PCDHA2: variants seen among roughly 807,000 people sequenced by gnomAD.
PCDHA2 encodes protocadherin alpha-2.
In PCDHA2, 58 loss-of-function variants were observed where a neutral mutation model predicts 66.0. The observed-to-expected ratio is 0.88, with a 90% CI of 0.71 to 1.09. PCDHA2 has a LOEUF of 1.09. PCDHA2 is among the 50% of genes least tolerant of loss of function. The pLI is 0.00. For synonymous variants in PCDHA2, 634 were observed against 554.0 expected (o/e 1.14, Z -2.03); for missense variants, 1,267 against 1,242.3 (o/e 1.02, Z -0.30).
chr5:140,816,539 G>A (rs2126673533), intron 1 of PCDHA2: 1,789 of 151,276 alleles, frequency 0.012, 32 homozygotes, highest in African/African-American at 0.041. Context: ...GTGTGGGCAC[G>A]CACTATTTGA....
intron 1 of PCDHA2, among the ~76,000 whole-genome samples, chr5:140,914,944 CT>C (rs35695909): frequency 0.29 from 37,051 of 128,010 alleles, 4,894 homozygotes; most frequent in East Asian, 0.5. Flanking sequence ...GAAAAGTTGT[CT>C]TTTTTTTTTT....
At position 140,795,125 on chromosome 5, in the gene PCDHA2, T is replaced by C. The variant is rs781951515; in HGVS notation, c.161T>C (p.Leu54Pro). 5.6e-6 allele frequency: 9 copies of C among 1,614,032 alleles called. No homozygotes were observed. In the Admixed American group the frequency reaches 1.5e-4, roughly 27 times the overall value. Residue 54 changes from leucine to proline, a missense_variant, in exon 1 of 4, where the codon CTG becomes CCG. Transcript: ENST00000526136. ...GGCCGCATCGCGCAGGACCTGGGGCTGGAGCTGGAGGAGCTGGTGCCGCGC... is the reference window on the plus strand; with the variant it reads ...GGCCGCATCGCGCAGGACCTGGGGCCGGAGCTGGAGGAGCTGGTGCCGCGC... ...FVGRIAQDLG[L>P]ELEELVPRLF...
At chr5:141,003,423 T>G (rs1278383006) in intron 3 of PCDHA2, among the ~76,000 whole-genome samples, 1 of 152,164 alleles carries the variant, frequency 6.6e-6, no homozygotes, top group Non-Finnish European at 1.5e-5. Context: ...GTGATTCTTA[T>G]GCCTCAGCCT....
At chr5:140,828,561 C>A (rs2150156811) in intron 1 of PCDHA2, 1 of 1,614,178 alleles carries the variant, frequency 6.2e-7, no homozygotes, top group African/African-American at 1.3e-5. Flanking sequence ...CTGGAGGGCG[C>A]GTCCGATGCA....
intron 1 of PCDHA2, chr5:140,829,831 G>A (rs2150175652): frequency 6.2e-7 from 1 of 1,613,918 alleles, no homozygotes; most frequent in Non-Finnish European, 8.5e-7. Context: ...TGAGCGAGCT[G>A]GTGCCGCGGT....
At chr5:140,861,658 G>T (rs913348410) in intron 1 of PCDHA2, 2 of 268,996 alleles carry the variant, frequency 7.4e-6, no homozygotes, top group Non-Finnish European at 1.5e-5. Context: ...TTTCTGAAAC[G>T]AGAGCTCTTG....
intron 1 of PCDHA2, chr5:140,841,917 C>T (rs1777584856): frequency 1.2e-6 from 2 of 1,613,834 alleles, no homozygotes; most frequent in Admixed American, 1.7e-5. Context: ...TTAAGAAAAT[C>T]CTTGGACAGA....
At chr5:140,888,321 A>G (rs2061786627) in intron 1 of PCDHA2, among the ~76,000 whole-genome samples, 1 of 152,176 alleles carries the variant, frequency 6.6e-6, no homozygotes, top group Non-Finnish European at 1.5e-5. Flanking sequence ...ATGCCTGGAT[A>G]CATTTTTGGT....
At chr5:140,829,888 C>T (rs150204488) in intron 1 of PCDHA2, 519 of 1,613,790 alleles carry the variant, frequency 3.2e-4, no homozygotes, top group Non-Finnish European at 4.2e-4. Context: ...CAGTTGACGC[C>T]GACTCAGGCT....
At chr5:140,827,032 T>C (rs1769155846) in intron 1 of PCDHA2, among the ~76,000 whole-genome samples, 1 of 152,190 alleles carries the variant, frequency 6.6e-6, no homozygotes, top group Non-Finnish European at 1.5e-5. Context: ...AATTTAAAAA[T>C]TTGAATTTGG....
At position 140,850,000 on chromosome 5, in the gene PCDHA2, G is replaced by A. The variant is rs2150462633; in HGVS notation, c.2388+52648G>A. 7 of 1,597,068 alleles carry A rather than the reference G, an allele frequency of 4.4e-6. No individual in the cohort carries two copies. In the Admixed American group the frequency reaches 8.4e-5, roughly 19 times the overall value. ...CTGGTGGAGCGGCGGTTGGGCGAGCGCTCGCTGTCGAGCTACGTGTCAGTG... is the reference window on the plus strand; with the variant it reads ...CTGGTGGAGCGGCGGTTGGGCGAGCACTCGCTGTCGAGCTACGTGTCAGTG... On this transcript the variant is annotated intron_variant, in intron 1 of 3. Transcript: ENST00000526136.
chr5:140,876,283 G>T, intron 1 of PCDHA2: 1 of 1,614,056 alleles, frequency 6.2e-7, no homozygotes, highest in Non-Finnish European at 8.5e-7. Context: ...CGATCCAGAC[G>T]AAGGACTTAA....
intron 1 of PCDHA2, among the ~76,000 whole-genome samples, chr5:140,911,000 C>T (rs139648608): frequency 1.9e-3 from 291 of 152,218 alleles, no homozygotes; most frequent in African/African-American, 6.7e-3. Context: ...ACCCCTAGGG[C>T]CCTCCTGGGA....
rs2150163388 is a variant in PCDHA2, at chr5:140,829,170, G to T, written c.2388+31818G>T. The T allele has an allele frequency of 3.0e-5, 49 of 1,613,982 alleles. No individual in the cohort carries two copies. Among genetic ancestry groups the T allele is most frequent in the Non-Finnish European group, 4.0e-5 (47 of 1,179,950 alleles). ...CTGACTTCCTTATCCTTGCCTGTAC[G>T]TGAAGACGCTCAATTTGGTACTGTC... is the stretch of plus-strand genomic sequence containing the variant. On this transcript the variant is annotated intron_variant, in intron 1 of 3. Coordinates refer to ENST00000526136, the MANE Select transcript of PCDHA2 (RefSeq NM_018905.3).
chr5:140,858,421 G>C (rs782781172), intron 1 of PCDHA2: 2 of 1,557,082 alleles, frequency 1.3e-6, no homozygotes, highest in African/African-American at 1.4e-5. Context: ...CTATTGGAGG[G>C]GACCACTCTA....
intron 1 of PCDHA2, chr5:140,863,366 C>T (rs1408958867): frequency 6.7e-6 from 8 of 1,190,328 alleles, no homozygotes; most frequent in African/African-American, 4.6e-5. Flanking sequence ...CGGTGCTTGG[C>T]GCAGCTCACC....
At position 140,795,271 on chromosome 5, in the gene PCDHA2, A is replaced by G. The variant is rs1461774717; in HGVS notation, c.307A>G (p.Ser103Gly). The stretch of plus-strand genomic sequence containing the variant: ...GCTGTGCGGGCGGAGCGCGGAATGT[A>G]GCATCCACGTGGAGGTGATCGTGGA... Reference protein sequence around the residue: ...EELCGRSAECSIHVEVIVDRP... With the variant: ...EELCGRSAECGIHVEVIVDRP... Residue 103 changes from serine (S) to glycine (G), a missense_variant, in exon 1 of 4, where the codon AGC becomes GGC. Physicochemically the swap from Ser to Gly is moderately conservative, Grantham distance 56. Coordinates refer to ENST00000526136, the MANE Select transcript of PCDHA2 (RefSeq NM_018905.3). 3 of 1,614,254 alleles carry G rather than the reference A, an allele frequency of 1.9e-6. No homozygotes were observed. Among genetic ancestry groups the G allele is most frequent in the Admixed American group, 1.7e-5 (1 of 60,030 alleles).
intron 1 of PCDHA2, among the ~76,000 whole-genome samples, chr5:140,817,764 A>G (rs1022803136): frequency 6.6e-6 from 1 of 152,208 alleles, no homozygotes; most frequent in African/African-American, 2.4e-5. Context: ...GAAGAAATTA[A>G]CATTTCCTTT....
chr5:140,915,077 C>G (rs2076970768), intron 1 of PCDHA2, among the ~76,000 whole-genome samples: 1 of 151,656 alleles, frequency 6.6e-6, no homozygotes. Flanking sequence ...TACTGAGTAG[C>G]TGGGACTATG....
Sources: gnomAD v4.1 joint callset for allele counts (sites outside exome capture counted in the v4.1 genomes callset) on GRCh38, gnomAD v4.1.1 for gene constraint, MANE v1.5 for transcripts, NCBI Gene and HGNC (gene_info 2026-07-23, HGNC 2026-07-21) for gene names.